Variants in IQGAP1 observed in about 807,000 individuals in gnomAD.
IQGAP1 encodes the protein ras GTPase-activating-like protein IQGAP1.
In IQGAP1, 66 loss-of-function variants were observed where a neutral mutation model predicts 215.6. That is an observed-to-expected ratio of 0.31 (90% CI 0.25 to 0.38). The LOEUF (loss-of-function observed/expected upper bound fraction) is 0.38, where lower values mean the gene tolerates loss of function less well. Among genes scored for constraint, IQGAP1 ranks in the 10% least tolerant of loss-of-function variants. IQGAP1 has a pLI of 1.00. For missense variants in IQGAP1, 1,712 were observed against 1,997.1 expected (o/e 0.86, Z 2.72); for synonymous variants, 772 against 728.7 (o/e 1.06, Z -0.96).
At position 90,399,209 on chromosome 15, in the gene IQGAP1, G is replaced by A. The variant is rs538104652; in HGVS notation, c.155+8336G>A. Among the ~76,000 whole-genome samples, 120 of 151,754 alleles carry A rather than the reference G, an allele frequency of 7.9e-4. 1 individual carries two copies. The highest frequency in any genetic ancestry group is 2.7e-3 in the African/African-American group (111 of 41,360). ...TCTCCTGGGGCTCAGGCTATCCTTC[G>A]CTAAAGTGCTGGGATACAGGCGTGA... On this transcript the variant is annotated intron_variant, in intron 2 of 37. Transcript: ENST00000268182.
At chr15:90,463,366 C>T (rs1965788582) in intron 15 of IQGAP1, among the ~76,000 whole-genome samples, 1 of 152,174 alleles carries the variant, frequency 6.6e-6, no homozygotes, top group South Asian at 2.1e-4. Context: ...GTATGATTAT[C>T]CCAGAAGTGA....
At chr15:90,475,329 C>T (rs1202141576) in intron 23 of IQGAP1, among the ~76,000 whole-genome samples, 2 of 150,300 alleles carry the variant, frequency 1.3e-5, no homozygotes, top group Admixed American at 6.7e-5. Context: ...ACGGGGGTTT[C>T]ACCATGTTGG....
rs1187104241 is a variant in IQGAP1 at position 90,494,800 on chromosome 15, A to C, written c.4716A>C (p.Gly1572=). The part of the protein sequence containing the change: ...KYTAARLHEK[G]VLLEIEDLQV... ...CAGCAGCAAGACTACATGAAAAAGG[A>C]GTTCTTCTGGAAATTGAGGACCTGC... Residue 1572 remains glycine, a synonymous_variant, in exon 36 of 38, where the codon GGA becomes GGC. Coordinates refer to ENST00000268182, the MANE Select transcript of IQGAP1 (RefSeq NM_003870.4). 3.1e-6 allele frequency: 5 copies of C among 1,607,598 alleles called. No individual in the cohort carries two copies. In the Admixed American group the frequency reaches 8.5e-5, roughly 27 times the overall value.
intron 18 of IQGAP1, among the ~76,000 whole-genome samples, chr15:90,470,411 A>G (rs1320435406): frequency 6.6e-6 from 1 of 152,174 alleles, no homozygotes; most frequent in African/African-American, 2.4e-5. Flanking sequence ...GGATCTTGTT[A>G]AAATGAAGGC....
At chr15:90,457,024 A>G (rs910445518) in intron 15 of IQGAP1, among the ~76,000 whole-genome samples, 1 of 151,438 alleles carries the variant, frequency 6.6e-6, no homozygotes, top group African/African-American at 2.4e-5. Context: ...TGAACAAGGT[A>G]GATGGGTATG....
chr15:90,487,134 G>T, intron 32 of IQGAP1, 45 bp downstream of exon 32: 1 of 1,607,734 alleles, frequency 6.2e-7, no homozygotes, highest in Non-Finnish European at 8.5e-7. Context: ...TAATCTGAAG[G>T]TTTCTTGGCC....
chr15:90,453,436 TC>T (rs1965635746), intron 13 of IQGAP1, 144 bp downstream of exon 13: 1 of 612,420 alleles, frequency 1.6e-6, no homozygotes. Flanking sequence ...TTCACTTAAT[TC>T]TTTGTTATGC....
intron 15 of IQGAP1, among the ~76,000 whole-genome samples, chr15:90,458,264 T>A (rs1026477414): frequency 2.6e-5 from 4 of 152,258 alleles, no homozygotes; most frequent in Non-Finnish European, 5.9e-5. Context: ...TATTTATTCA[T>A]GAGTTGATGA....
chr15:90,420,394 C>A (rs972284863), intron 2 of IQGAP1, among the ~76,000 whole-genome samples: 1 of 152,150 alleles, frequency 6.6e-6, no homozygotes, highest in Non-Finnish European at 1.5e-5. Flanking sequence ...TTCTCTTGCT[C>A]CAGGAGGCAG....
At chr15:90,459,489 C>T (rs1301711039) in intron 15 of IQGAP1, among the ~76,000 whole-genome samples, 1 of 152,128 alleles carries the variant, frequency 6.6e-6, no homozygotes, top group South Asian at 2.1e-4. Flanking sequence ...GCTGTGTGTG[C>T]GTTTTGTTTG....
At position 90,477,847 on chromosome 15, in the gene IQGAP1, A is replaced by G; in HGVS notation, c.3287A>G (p.Lys1096Arg). 6.2e-7 allele frequency: 1 copy of G among 1,614,012 alleles called. No homozygotes were observed. Among genetic ancestry groups the G allele is most frequent in the Non-Finnish European group, 8.5e-7 (1 of 1,179,898 alleles). The change falls in exon 26 of 38, where the codon AAA becomes AGA. Residue 1096 changes from lysine to arginine, a missense_variant. Lys to Arg is a conservative substitution (Grantham distance 26, BLOSUM62 2). Around this residue, in one of 2 missense-constraint regions of IQGAP1, gnomAD observed 691 missense variants for 923.0 expected, o/e 0.75. Transcript: ENST00000268182. ...NIKTDPVDIY[K>R]SWVNQMESQT... ...AAAACTGACCCTGTGGATATTTACA[A>G]ATCTTGGGTTAATCAGATGGAGTCT... is the stretch of plus-strand genomic sequence containing the variant.
chr15:90,460,194 C>T (rs2151026635), intron 15 of IQGAP1, among the ~76,000 whole-genome samples: 1 of 152,182 alleles, frequency 6.6e-6, no homozygotes, highest in Middle Eastern at 3.4e-3. Flanking sequence ...ATGGCTTCTC[C>T]ATAGACAGAG....
At position 90,473,987 on chromosome 15, in the gene IQGAP1, A is replaced by G; in HGVS notation, c.2505+20A>G. On this transcript the variant is annotated intron_variant, in intron 21 of 37. Coordinates refer to ENST00000268182, the MANE Select transcript of IQGAP1 (RefSeq NM_003870.4). ...GACCATGTAAGCACCCTTGGATCAT[A>G]CAGGCCATTAGGGGCAATTTTGCCA... is the stretch of plus-strand genomic sequence containing the variant. The G allele has an allele frequency of 1.2e-6, 2 of 1,613,270 alleles. No individual in the cohort carries two copies. The highest frequency in any genetic ancestry group is 1.7e-6 in the Non-Finnish European group (2 of 1,179,256).
In IQGAP1 at chr15:90,473,745, G is replaced by A. The variant is rs1415821463; in HGVS notation, c.2380G>A (p.Ala794Thr). 1 of 1,611,404 alleles carries A rather than the reference G, an allele frequency of 6.2e-7. No homozygotes were observed. The highest frequency in any genetic ancestry group is 1.1e-5 in the South Asian group (1 of 90,872). Reference protein sequence around the residue: ...SQWRGYKQKKAYQDRLAYLRS... With the variant: ...SQWRGYKQKKTYQDRLAYLRS... ...GTGGAGAGGATACAAGCAGAAGAAG[G>A]CATATCAAGATCGGTTAGCTTACCT... Residue 794 changes from alanine (A) to threonine (T), a missense_variant, in exon 20 of 38, where the codon GCA (alanine) becomes ACA (threonine). Coordinates refer to ENST00000268182, the MANE Select transcript of IQGAP1 (RefSeq NM_003870.4).
At chr15:90,482,881 C>T in intron 28 of IQGAP1, 1 of 242,182 alleles carries the variant, frequency 4.1e-6, no homozygotes, top group Non-Finnish European at 6.9e-6. Context: ...TTGAAGTCTG[C>T]AGCATGAGAA....
intron 31 of IQGAP1, 105 bp downstream of exon 31, chr15:90,486,237 C>T (rs1966124939): frequency 1.5e-6 from 1 of 660,162 alleles, no homozygotes; most frequent in Non-Finnish European, 2.7e-6. Flanking sequence ...TCTGGATATA[C>T]ATTGAGAAAT....
chr15:90,446,462 A>G (rs1217521239), intron 9 of IQGAP1, among the ~76,000 whole-genome samples: 2 of 152,234 alleles, frequency 1.3e-5, no homozygotes, highest in Non-Finnish European at 2.9e-5. Context: ...GTGCAGTCAT[A>G]GAATAAAGAA....
chr15:90,451,236 A>G lies in IQGAP1; in HGVS notation c.1163-1539A>G, dbSNP rs559239459. Among the ~76,000 whole-genome samples the G allele has an allele frequency of 1.2e-3, 187 of 152,240 alleles. 1 individual carries two copies. Among genetic ancestry groups the G allele is most frequent in the African/African-American group, 4.2e-3 (174 of 41,546 alleles). On this transcript the variant is annotated intron_variant, in intron 11 of 37. Transcript: ENST00000268182. ...TTGAAGAGACTGTCTGTCTCAGCCCATTTTACGTGGCTATAAAGGGATACT... is the reference window on the plus strand; with the variant it reads ...TTGAAGAGACTGTCTGTCTCAGCCCGTTTTACGTGGCTATAAAGGGATACT...
At chr15:90,439,464 G>A in intron 6 of IQGAP1, 65 bp downstream of exon 6, 4 of 1,365,638 alleles carry the variant, frequency 2.9e-6, no homozygotes, top group Non-Finnish European at 4.2e-6. Flanking sequence ...AGAGCCAGCA[G>A]TACCAATTTT....
Sources: allele counts gnomAD v4.1 joint callset (sites outside exome capture counted in the v4.1 genomes callset), GRCh38; gene constraint gnomAD v4.1.1; regional missense constraint gnomAD v4.1.1; transcripts MANE v1.5; gene names NCBI Gene and HGNC (gene_info 2026-07-23, HGNC 2026-07-21).